Variants in HACL2 observed in about 807,000 individuals in gnomAD.
The protein encoded by HACL2 is 2-hydroxyacyl-CoA lyase 2, also known as 2-hydroxyacyl-CoA lyase 1 like.
chr19:15,124,435 T>C, the HACL2 span: 1 of 155,354 alleles, frequency 6.4e-6, no homozygotes, highest in African/African-American at 2.4e-5. Flanking sequence ...CACCACACAA[T>C]CTCTCTGAGC....
the HACL2 span, among the ~76,000 whole-genome samples, chr19:15,118,418 G>C: frequency 6.6e-6 from 1 of 152,104 alleles, no homozygotes; most frequent in Non-Finnish European, 1.5e-5. Context: ...TGGGGCCAAG[G>C]AATGTGCTCT....
At chr19:15,116,335 G>C in the HACL2 span, 4 of 1,614,000 alleles carry the variant, frequency 2.5e-6, no homozygotes, top group South Asian at 4.4e-5. Flanking sequence ...CGACAGGACA[G>C]CGAAGGTCAC....
chr19:15,119,867 G>T, the HACL2 span: 1 of 710,866 alleles, frequency 1.4e-6, no homozygotes, highest in Non-Finnish European at 2.3e-6. Flanking sequence ...CCGCCCTTGA[G>T]TCGCCATGAG....
chr19:15,119,635 C>T, the HACL2 span: 8 of 844,302 alleles, frequency 9.5e-6, no homozygotes, highest in Non-Finnish European at 1.5e-5. Flanking sequence ...ACTGCAGCCT[C>T]CACCTCCCAG....
chr19:15,119,362 A>G, the HACL2 span: 19 of 1,608,894 alleles, frequency 1.2e-5, no homozygotes, highest in Non-Finnish European at 1.6e-5. Context: ...CCCCAAGAGC[A>G]CCCGAGGACT....
chr19:15,116,704 G>A, the HACL2 span: 1 of 592,190 alleles, frequency 1.7e-6, no homozygotes. Context: ...ACCAGGGGAG[G>A]GCAGCCCAGG....
chr19:15,118,609 C>G, the HACL2 span, among the ~76,000 whole-genome samples: 2 of 152,280 alleles, frequency 1.3e-5, no homozygotes, highest in Admixed American at 1.3e-4. Context: ...CCTGCAGACT[C>G]TACTTCAAGA....
chr19:15,125,341 G>C, the HACL2 span: 1 of 476,400 alleles, frequency 2.1e-6, no homozygotes, highest in Non-Finnish European at 3.7e-6. Flanking sequence ...CACAAGTCAA[G>C]GTGGCGACGA....
chr19:15,122,369 G>A, the HACL2 span, among the ~76,000 whole-genome samples: 1 of 152,242 alleles, frequency 6.6e-6, no homozygotes, highest in Non-Finnish European at 1.5e-5. This position sits in a 1 kb window ranked among gnomAD's most constrained non-coding sequence, Gnocchi z 4.0. Context: ...GGGGGAAAGG[G>A]AGGAGAAGAG....
chr19:15,123,283 G>C, the HACL2 span: 3 of 1,608,954 alleles, frequency 1.9e-6, no homozygotes, highest in Non-Finnish European at 2.5e-6. This position sits in a 1 kb window ranked among gnomAD's most constrained non-coding sequence, Gnocchi z 5.1. Flanking sequence ...CCACTCTCTT[G>C]GCCATTCTTC....
At chr19:15,125,287 C>T in the HACL2 span, 26 of 571,778 alleles carry the variant, frequency 4.5e-5, no homozygotes, top group Non-Finnish European at 7.4e-5. Context: ...GCGGGGCTAG[C>T]CCCAGTCCTT....
the HACL2 span, chr19:15,125,163 G>A: frequency 1.6e-6 from 2 of 1,234,880 alleles, no homozygotes; most frequent in Non-Finnish European, 2.2e-6. Flanking sequence ...CCAGGGCCAC[G>A]ACCCTTGCCG....
chr19:15,120,666 G>A, the HACL2 span, among the ~76,000 whole-genome samples: 5 of 152,318 alleles, frequency 3.3e-5, no homozygotes, highest in East Asian at 1.9e-4. Context: ...CCCTCAGGGG[G>A]CGCTCTATCC....
the HACL2 span, among the ~76,000 whole-genome samples, chr19:15,121,330 C>T: frequency 2.6e-5 from 4 of 152,172 alleles, no homozygotes; most frequent in Admixed American, 1.3e-4. Flanking sequence ...CACACACATC[C>T]GGAGTACAGG....
At chr19:15,121,476 G>A in the HACL2 span, among the ~76,000 whole-genome samples, 1 of 152,062 alleles carries the variant, frequency 6.6e-6, no homozygotes, top group African/African-American at 2.4e-5. Context: ...GGGAGAGAAG[G>A]AGGAAGAAGA....
chr19:15,115,821 C>T, the HACL2 span: 7 of 1,611,372 alleles, frequency 4.3e-6, no homozygotes, highest in African/African-American at 1.3e-5. Flanking sequence ...ACCCCAGGCC[C>T]TAAGCTTCCC....
At chr19:15,119,028 G>T in the HACL2 span, 1 of 957,774 alleles carries the variant, frequency 1.0e-6, no homozygotes, top group Non-Finnish European at 1.5e-6. Context: ...GTCTGGTTGG[G>T]TTCAAAGCGC....
At chr19:15,119,998 TG>T in the HACL2 span, 2 of 1,549,744 alleles carry the variant, frequency 1.3e-6, no homozygotes, top group Admixed American at 2.0e-5. Flanking sequence ...CGGGGAAGCC[TG>T]GGGGATGTCC....
At chr19:15,117,793 G>A in the HACL2 span, 12 of 1,528,952 alleles carry the variant, frequency 7.8e-6, no homozygotes, top group South Asian at 2.3e-5. Context: ...CTCAATCACT[G>A]TACCAGGCTC....
Sources: gnomAD v4.1 joint callset for allele counts (sites outside exome capture counted in the v4.1 genomes callset) on GRCh38, gnomAD v4.1.1 for gene constraint, Gnocchi (gnomAD v3.1) non-coding constraint, MANE v1.5 for transcripts, NCBI Gene and HGNC (gene_info 2026-07-23, HGNC 2026-07-21) for gene names.